AGBL4: variants seen among roughly 807,000 people sequenced by gnomAD.
The protein encoded by AGBL4 is AGBL carboxypeptidase 4.
In AGBL4, 58 loss-of-function variants were observed where a neutral mutation model predicts 66.4. The observed-to-expected ratio is 0.87, with a 90% CI of 0.71 to 1.09. AGBL4 has a LOEUF of 1.09. AGBL4 is among the 50% of genes least tolerant of loss of function. The probability of loss-of-function intolerance (pLI) is 0.00; values close to 1 mark genes in which losing one functional copy is unlikely to be tolerated. For missense variants in AGBL4, 579 were observed against 631.0 expected (o/e 0.92, Z 0.88); for synonymous variants, 234 against 222.9 (o/e 1.05, Z -0.44).
At chr1:49,969,999 A>G (rs964673915) in intron 1 of AGBL4, among the ~76,000 whole-genome samples, 1 of 152,216 alleles carries the variant, frequency 6.6e-6, no homozygotes, top group Admixed American at 6.5e-5. Context: ...ATGATGGGGA[A>G]AGAGTAGTCT....
At chr1:48,789,624 G>C (rs1645497506) in intron 6 of AGBL4, among the ~76,000 whole-genome samples, 1 of 152,140 alleles carries the variant, frequency 6.6e-6, no homozygotes, top group Non-Finnish European at 1.5e-5. Flanking sequence ...GGTAGAGTAA[G>C]GGGTACTTGA....
chr1:49,666,556 ACT>A (rs1445074558), intron 3 of AGBL4, among the ~76,000 whole-genome samples: 3 of 151,904 alleles, frequency 2.0e-5, no homozygotes, highest in Non-Finnish European at 4.4e-5. Context: ...ACAGAGTGAG[ACT>A]CTGTCTCAAA....
intron 3 of AGBL4, among the ~76,000 whole-genome samples, chr1:49,580,950 A>C (rs1644530800): frequency 6.6e-6 from 1 of 152,202 alleles, no homozygotes; most frequent in South Asian, 2.1e-4. Flanking sequence ...CTTGTTAAAT[A>C]GATTTTTAAA....
At chr1:48,618,538 C>T (rs1645356915) in intron 9 of AGBL4, among the ~76,000 whole-genome samples, 1 of 152,142 alleles carries the variant, frequency 6.6e-6, no homozygotes, top group Admixed American at 6.5e-5. Flanking sequence ...TTTAGTTCAT[C>T]CAGCTCTGAA....
chr1:48,562,696 A>C (rs533997002), intron 11 of AGBL4, among the ~76,000 whole-genome samples: 1 of 152,326 alleles, frequency 6.6e-6, no homozygotes, highest in East Asian at 1.9e-4. Context: ...TTCTTCACCA[A>C]TATGTAACTG....
At chr1:48,698,796 A>C (rs72902845) in intron 6 of AGBL4, among the ~76,000 whole-genome samples, 2,899 of 152,308 alleles carry the variant, frequency 0.019, 101 homozygotes, top group African/African-American at 0.066. Flanking sequence ...TGGCGAGGTA[A>C]TGCTGTTGTC....
intron 3 of AGBL4, among the ~76,000 whole-genome samples, chr1:49,372,239 C>T (rs1046117692): frequency 2.7e-4 from 41 of 152,028 alleles, no homozygotes; most frequent in Admixed American, 2.6e-3. Flanking sequence ...TTTTTTATCT[C>T]GGTTAAAACA....
At chr1:48,722,748 T>C (rs920988669) in intron 6 of AGBL4, among the ~76,000 whole-genome samples, 2 of 152,174 alleles carry the variant, frequency 1.3e-5, no homozygotes, top group African/African-American at 2.4e-5. Context: ...TTGCTAAAGA[T>C]GCTAATTCGA....
At chr1:48,843,041 G>T (rs990447798) in intron 6 of AGBL4, among the ~76,000 whole-genome samples, 7 of 152,104 alleles carry the variant, frequency 4.6e-5, no homozygotes, top group African/African-American at 1.4e-4. Context: ...GGGAGCTGTT[G>T]TTTAATGAGT....
At chr1:49,555,143 G>A (rs1046871944) in intron 3 of AGBL4, among the ~76,000 whole-genome samples, 1 of 152,148 alleles carries the variant, frequency 6.6e-6, no homozygotes, top group African/African-American at 2.4e-5. Context: ...ATTTTACAGA[G>A]AGCTGATTGG....
chr1:49,095,488 T>C (rs1645079850), intron 4 of AGBL4, among the ~76,000 whole-genome samples: 1 of 152,060 alleles, frequency 6.6e-6, no homozygotes, highest in Non-Finnish European at 1.5e-5. Flanking sequence ...AAAACAGAGA[T>C]AGATATAGAC....
At chr1:49,117,106 A>T (rs1450197701) in intron 4 of AGBL4, among the ~76,000 whole-genome samples, 1 of 150,424 alleles carries the variant, frequency 6.6e-6, no homozygotes, top group Non-Finnish European at 1.5e-5. Flanking sequence ...TTCTTTGTAG[A>T]TTCTGGATAT....
chr1:48,556,434 AT>A (rs1358855026), intron 11 of AGBL4, among the ~76,000 whole-genome samples: 2 of 152,144 alleles, frequency 1.3e-5, no homozygotes, highest in Non-Finnish European at 2.9e-5. Context: ...ATCCTGCTCC[AT>A]TTTAGTAACT....
intron 6 of AGBL4, among the ~76,000 whole-genome samples, chr1:48,812,532 G>A (rs1646075270): frequency 6.6e-6 from 1 of 152,082 alleles, no homozygotes; most frequent in African/African-American, 2.4e-5. Flanking sequence ...TAAACACTGG[G>A]GAAACAGCAG....
chr1:49,476,806 C>T (rs1258743585), intron 3 of AGBL4, among the ~76,000 whole-genome samples: 1 of 151,972 alleles, frequency 6.6e-6, no homozygotes, highest in Non-Finnish European at 1.5e-5. Flanking sequence ...CATTTCTGGA[C>T]CTGCCCTGGG....
chr1:48,735,035 C>T (rs1171866433), intron 6 of AGBL4, among the ~76,000 whole-genome samples: 1 of 152,208 alleles, frequency 6.6e-6, no homozygotes, highest in Non-Finnish European at 1.5e-5. Flanking sequence ...TTCTGTGTCT[C>T]AGTTTCCTTG....
intron 6 of AGBL4, among the ~76,000 whole-genome samples, chr1:48,813,296 CAG>C (rs897118098): frequency 3.3e-5 from 5 of 152,022 alleles, no homozygotes; most frequent in African/African-American, 1.2e-4. Flanking sequence ...GAAGAAGAAA[CAG>C]TGTCATATTG....
intron 2 of AGBL4, among the ~76,000 whole-genome samples, chr1:49,750,957 A>C (rs927079083): frequency 2.0e-4 from 31 of 152,300 alleles, no homozygotes; most frequent in South Asian, 2.1e-4. Context: ...GACTTTGCTG[A>C]AGTTGCTTAT....
chr1:48,919,958 T>G (rs1653944326), intron 5 of AGBL4, among the ~76,000 whole-genome samples: 1 of 152,192 alleles, frequency 6.6e-6, no homozygotes, highest in African/African-American at 2.4e-5. Flanking sequence ...GCTCAGTATA[T>G]GTAATCCATG....
Sources: gnomAD v4.1 joint callset for allele counts (sites outside exome capture counted in the v4.1 genomes callset) on GRCh38, gnomAD v4.1.1 for gene constraint, MANE v1.5 for transcripts, NCBI Gene and HGNC (gene_info 2026-07-23, HGNC 2026-07-21) for gene names.